The following KCNQ5 variants were observed in gnomAD, a reference collection of about 807,000 sequenced individuals.
KCNQ5 encodes potassium voltage-gated channel subfamily KQT member 5.
In KCNQ5, 30 loss-of-function variants were observed where a neutral mutation model predicts 98.2. That is an observed-to-expected ratio of 0.31 (90% CI 0.23 to 0.41). The LOEUF (loss-of-function observed/expected upper bound fraction) is 0.41. KCNQ5 is among the 10% of genes least tolerant of loss of function. The pLI is 1.00. For missense variants in KCNQ5, 835 were observed against 1,182.5 expected, an observed-to-expected ratio of 0.71 and a Z score of 4.31; for synonymous variants, 458 against 449.4, an observed-to-expected ratio of 1.02 and a Z score of -0.24.
At chr6:72,908,019 G>A (rs1317385823) in intron 1 of KCNQ5, among the ~76,000 whole-genome samples, 5 of 152,062 alleles carry the variant, frequency 3.3e-5, no homozygotes, top group African/African-American at 1.2e-4. Flanking sequence ...AATGAACCAT[G>A]ACAATAATTA....
At chr6:72,783,904 C>T (rs902127105) in intron 1 of KCNQ5, among the ~76,000 whole-genome samples, 4 of 152,106 alleles carry the variant, frequency 2.6e-5, no homozygotes, top group African/African-American at 9.7e-5. Context: ...CTAACTAGAG[C>T]CTGATGATTT....
chr6:72,924,020 A>T (rs1780517765), intron 1 of KCNQ5, among the ~76,000 whole-genome samples: 1 of 152,230 alleles, frequency 6.6e-6, no homozygotes, highest in South Asian at 2.1e-4. Context: ...AGTTTACTAA[A>T]TGAGAACATT....
At chr6:73,168,639 T>A (rs1031376380) in intron 10 of KCNQ5, among the ~76,000 whole-genome samples, 6 of 151,604 alleles carry the variant, frequency 4.0e-5, no homozygotes, top group African/African-American at 1.5e-4. Context: ...ATAGGGGTGG[T>A]GGTTACAGGG....
At chr6:72,774,371 C>T (rs993569732) in intron 1 of KCNQ5, among the ~76,000 whole-genome samples, 3 of 152,060 alleles carry the variant, frequency 2.0e-5, no homozygotes, top group African/African-American at 7.2e-5. Context: ...GGATTGCAGG[C>T]TATAGTTTTC....
intron 1 of KCNQ5, among the ~76,000 whole-genome samples, chr6:72,743,285 ATAT>A (rs570198922): frequency 1.7e-3 from 261 of 151,736 alleles, no homozygotes; most frequent in African/African-American, 6.0e-3. Context: ...CTGAATCAAA[ATAT>A]TATTAAATAT....
intron 2 of KCNQ5, among the ~76,000 whole-genome samples, chr6:73,038,306 T>C (rs1323543701): frequency 6.6e-6 from 1 of 151,808 alleles, no homozygotes; most frequent in Non-Finnish European, 1.5e-5. Flanking sequence ...CATCATGCCA[T>C]TTGTAAATAG....
At chr6:73,174,252 C>T (rs2150507754) in intron 11 of KCNQ5, among the ~76,000 whole-genome samples, 1 of 152,276 alleles carries the variant, frequency 6.6e-6, no homozygotes, top group South Asian at 2.1e-4. Flanking sequence ...TAATAAGATC[C>T]TCAGTGACAG....
At chr6:72,739,867 T>C (rs1390521250) in intron 1 of KCNQ5, among the ~76,000 whole-genome samples, 1 of 152,212 alleles carries the variant, frequency 6.6e-6, no homozygotes, top group Non-Finnish European at 1.5e-5. Context: ...AGAATATTTA[T>C]AGCACTGTAA....
At chr6:72,631,890 C>A (rs1272942344) in intron 1 of KCNQ5, among the ~76,000 whole-genome samples, 6 of 152,070 alleles carry the variant, frequency 3.9e-5, no homozygotes, top group African/African-American at 1.2e-4. Context: ...ATTCTTTATG[C>A]ACATTAATTC....
chr6:72,772,156 T>A (rs961564177), intron 1 of KCNQ5, among the ~76,000 whole-genome samples: 1 of 152,158 alleles, frequency 6.6e-6, no homozygotes, highest in Non-Finnish European at 1.5e-5. Flanking sequence ...TTCTCTATCT[T>A]GACTTACATT....
chr6:73,005,899 C>T (rs1582177198), intron 2 of KCNQ5, among the ~76,000 whole-genome samples: 1 of 152,296 alleles, frequency 6.6e-6, no homozygotes, highest in Non-Finnish European at 1.5e-5. Flanking sequence ...AAAGTATATT[C>T]TCAAAACCTA....
chr6:72,792,563 GTCTT>G, intron 1 of KCNQ5, among the ~76,000 whole-genome samples: 1 of 152,116 alleles, frequency 6.6e-6, no homozygotes, highest in East Asian at 1.9e-4. Context: ...TGTTTTTTCA[GTCTT>G]AATTTAGAAT....
intron 1 of KCNQ5, among the ~76,000 whole-genome samples, chr6:72,939,740 A>G (rs1289364206): frequency 6.6e-6 from 1 of 152,172 alleles, no homozygotes; most frequent in Admixed American, 6.5e-5. Flanking sequence ...ATCAGAGAGT[A>G]TCTCTGGTAT....
chr6:73,041,976 T>C lies in KCNQ5; in HGVS notation c.530T>C (p.Ile177Thr). The C allele has an allele frequency of 6.2e-7, 1 of 1,613,922 alleles. No individual in the cohort carries two copies. Among genetic ancestry groups the C allele is most frequent in the Non-Finnish European group, 8.5e-7 (1 of 1,179,820 alleles). ...MIVVFGLEFI[I>T]RIWSAGCCCR... ...GTCGTCTTTGGTTTGGAGTTCATCA[T>C]TCGAATCTGGTCTGCGGGTTGCTGT... is the stretch of plus-strand genomic sequence containing the variant. The change falls in exon 3 of 14, where the codon ATT becomes ACT. Residue 177 changes from isoleucine (I) to threonine (T), a missense_variant. By Grantham distance (89) the Ile-to-Thr change is moderately conservative. Around this residue, in one of 10 missense-constraint regions of KCNQ5, gnomAD observed 48 missense variants for 112.1 expected, o/e 0.43. Transcript: ENST00000370398.
At chr6:72,950,416 G>GA (rs1485462452) in intron 1 of KCNQ5, among the ~76,000 whole-genome samples, 13 of 152,344 alleles carry the variant, frequency 8.5e-5, no homozygotes, top group Non-Finnish European at 1.8e-4. Flanking sequence ...TTCACAAATA[G>GA]AAAATGAAAA....
intron 1 of KCNQ5, among the ~76,000 whole-genome samples, chr6:72,854,783 T>TGTGC (rs1554171400): frequency 4.2e-5 from 6 of 141,848 alleles, no homozygotes; most frequent in Non-Finnish European, 6.2e-5. Flanking sequence ...TGTGTGTGTG[T>TGTGC]GCGTGCGTAG....
At chr6:73,107,160 T>C (rs932314670) in intron 6 of KCNQ5, among the ~76,000 whole-genome samples, 2 of 152,194 alleles carry the variant, frequency 1.3e-5, no homozygotes, top group Non-Finnish European at 2.9e-5. Flanking sequence ...TTTATATTTA[T>C]CCTGAGGCCA....
intron 9 of KCNQ5, chr6:73,129,782 C>T: frequency 6.2e-7 from 1 of 1,610,418 alleles, no homozygotes; most frequent in Non-Finnish European, 8.5e-7. Context: ...CTCTATTTCC[C>T]TCACTCCTAG....
At chr6:73,097,776 T>C (rs1774577806) in intron 5 of KCNQ5, among the ~76,000 whole-genome samples, 2 of 152,226 alleles carry the variant, frequency 1.3e-5, no homozygotes, top group Admixed American at 1.3e-4. Flanking sequence ...GTGATACATC[T>C]ACAAGTCTAC....
Sources: allele counts gnomAD v4.1 joint callset (sites outside exome capture counted in the v4.1 genomes callset), GRCh38; gene constraint gnomAD v4.1.1; regional missense constraint gnomAD v4.1.1; transcripts MANE v1.5; gene names NCBI Gene and HGNC (gene_info 2026-07-23, HGNC 2026-07-21).